The following BCKDHB variants were observed in gnomAD, a reference collection of about 807,000 sequenced individuals.
BCKDHB encodes branched chain keto acid dehydrogenase E1 subunit beta, also known as 2-oxoisovalerate dehydrogenase subunit beta, mitochondrial.
Under a neutral mutation model 48.5 loss-of-function variants are expected in BCKDHB, and 41 were observed. The observed-to-expected ratio is 0.85, with a 90% CI of 0.66 to 1.10. The LOEUF (loss-of-function observed/expected upper bound fraction) is 1.10, where lower values mean the gene tolerates loss of function less well. Among genes scored for constraint, BCKDHB ranks in the 50% least tolerant of loss-of-function variants. The pLI is 0.00. For missense variants in BCKDHB, 496 were observed against 494.2 expected, an observed-to-expected ratio of 1.00 and a Z score of -0.03; for synonymous variants, 201 against 174.8, an observed-to-expected ratio of 1.15 and a Z score of -1.18.
At chr6:80,350,311 G>A (rs1357097936), downstream of BCKDHB, among the ~76,000 whole-genome samples, 1 of 151,502 alleles carries the variant, frequency 6.6e-6, no homozygotes, top group Non-Finnish European at 1.5e-5. Context: ...AGGAAAAAGT[G>A]CAAGAAAAAC....
chr6:80,403,193 G>C, the BCKDHB span, among the ~76,000 whole-genome samples: 14 of 151,766 alleles, frequency 9.2e-5, no homozygotes, highest in African/African-American at 3.1e-4. Flanking sequence ...ATCACTTTGT[G>C]TGGCCATTTT....
intron 6 of BCKDHB, among the ~76,000 whole-genome samples, chr6:80,181,805 C>A (rs1773424015): frequency 6.6e-6 from 1 of 152,142 alleles, no homozygotes; most frequent in Non-Finnish European, 1.5e-5. Context: ...TAGACACCAT[C>A]TCTTCATGGG....
At chr6:80,228,924 C>T (rs1775796685) in intron 8 of BCKDHB, among the ~76,000 whole-genome samples, 1 of 152,148 alleles carries the variant, frequency 6.6e-6, no homozygotes, top group Admixed American at 6.5e-5. Flanking sequence ...GAGAGCTGGG[C>T]TTGGGAGACT....
At chr6:80,229,616 TA>T (rs1002037982) in intron 8 of BCKDHB, among the ~76,000 whole-genome samples, 2 of 150,940 alleles carry the variant, frequency 1.3e-5, no homozygotes, top group Admixed American at 1.3e-4. Flanking sequence ...GAGTTGTTAT[TA>T]AAAAAAAAGA....
At chr6:80,443,903 C>T in the BCKDHB span, among the ~76,000 whole-genome samples, 180 of 151,986 alleles carry the variant, frequency 1.2e-3, 1 homozygote, top group Middle Eastern at 0.01. Flanking sequence ...GAAAGATGAA[C>T]GTGTCTACTG....
intron 6 of BCKDHB, 88 bp downstream of exon 6, chr6:80,171,478 T>C (rs977975491): frequency 4.0e-6 from 3 of 757,106 alleles, no homozygotes; most frequent in African/African-American, 3.6e-5. Context: ...TTTTTCTATA[T>C]GGTTGATTTA....
chr6:80,437,311 C>A, the BCKDHB span, among the ~76,000 whole-genome samples: 1 of 152,160 alleles, frequency 6.6e-6, no homozygotes, highest in South Asian at 2.1e-4. Flanking sequence ...AGAGCATTAT[C>A]ATTCATCTTA....
At chr6:80,407,229 A>G in the BCKDHB span, among the ~76,000 whole-genome samples, 1 of 152,192 alleles carries the variant, frequency 6.6e-6, no homozygotes, top group African/African-American at 2.4e-5. Flanking sequence ...CTGCTTCGAT[A>G]ACAATACCAT....
intron 9 of BCKDHB, among the ~76,000 whole-genome samples, chr6:80,291,606 T>C (rs1766919751): frequency 6.6e-6 from 1 of 152,218 alleles, no homozygotes; most frequent in African/African-American, 2.4e-5. Flanking sequence ...GATTCCACTA[T>C]GTGTCCAGAA....
intron 8 of BCKDHB, among the ~76,000 whole-genome samples, chr6:80,215,313 T>G (rs1468144329): frequency 6.6e-6 from 1 of 152,226 alleles, no homozygotes; most frequent in Admixed American, 6.5e-5. Flanking sequence ...ATTCTTCCTG[T>G]AGGATTTTCT....
chr6:80,115,314 A>G (rs1260803712), intron 1 of BCKDHB, among the ~76,000 whole-genome samples: 2 of 152,076 alleles, frequency 1.3e-5, no homozygotes. Flanking sequence ...TGCCTGGCCC[A>G]TTTACATTTT....
intron 9 of BCKDHB, among the ~76,000 whole-genome samples, chr6:80,342,691 C>T (rs1049682498): frequency 4.6e-5 from 7 of 151,304 alleles, no homozygotes; most frequent in African/African-American, 1.7e-4. Flanking sequence ...ACTTGGTAGT[C>T]TGAGGTGGGA....
chr6:80,286,605 G>A (rs1233948541), intron 9 of BCKDHB, among the ~76,000 whole-genome samples: 1 of 152,148 alleles, frequency 6.6e-6, no homozygotes, highest in Non-Finnish European at 1.5e-5. Context: ...TTCTGAGAGG[G>A]TAGAATTCCT....
In BCKDHB at chr6:80,196,644, A is replaced by G. The variant is rs182036852; in HGVS notation, c.743-4290A>G. 5.1e-4 allele frequency among the ~76,000 whole-genome samples: 78 copies of G among 152,258 alleles called. 1 individual carries two copies. The highest frequency in any genetic ancestry group is 2.3e-3 in the South Asian group (11 of 4,824). ...AATGTATATTAAACTTGGTATATATATATATTATTTACACACCTCACCTCT... is the reference window on the plus strand; with the variant it reads ...AATGTATATTAAACTTGGTATATATGTATATTATTTACACACCTCACCTCT... On this transcript the variant is annotated intron_variant, in intron 6 of 9. Coordinates refer to ENST00000320393, the MANE Select transcript of BCKDHB (RefSeq NM_183050.4).
At chr6:80,169,911 T>C (rs1772818256) in intron 5 of BCKDHB, 1 of 1,549,198 alleles carries the variant, frequency 6.5e-7, no homozygotes, top group African/African-American at 1.4e-5. Flanking sequence ...CGAGGCAAGT[T>C]ATTTTTGTGC....
chr6:80,348,189 A>T (rs916386793), downstream of BCKDHB, among the ~76,000 whole-genome samples: 1 of 151,342 alleles, frequency 6.6e-6, no homozygotes, highest in Non-Finnish European at 1.5e-5. Flanking sequence ...GGTGTTATAT[A>T]GCTAACTAAA....
the BCKDHB span, among the ~76,000 whole-genome samples, chr6:80,421,419 G>A: frequency 0.036 from 5,549 of 152,280 alleles, 349 homozygotes; most frequent in African/African-American, 0.13. Flanking sequence ...TGGGAGTGGG[G>A]CACTGCTATA....
chr6:80,336,013 A>C (rs181135058), intron 9 of BCKDHB, among the ~76,000 whole-genome samples: 1 of 152,060 alleles, frequency 6.6e-6, no homozygotes. Flanking sequence ...TAAGATTATA[A>C]ATTACAGAAA....
intron 6 of BCKDHB, among the ~76,000 whole-genome samples, chr6:80,197,261 G>A (rs1024036636): frequency 6.6e-6 from 1 of 152,124 alleles, no homozygotes; most frequent in Non-Finnish European, 1.5e-5. Flanking sequence ...AAGTATCTAT[G>A]AATTCTAGCT....
Sources: allele counts gnomAD v4.1 joint callset (sites outside exome capture counted in the v4.1 genomes callset), GRCh38; gene constraint gnomAD v4.1.1; transcripts MANE v1.5; gene names NCBI Gene and HGNC (gene_info 2026-07-23, HGNC 2026-07-21).